SORCS1: variants seen among roughly 807,000 people sequenced by gnomAD.
The protein encoded by SORCS1 is VPS10 domain-containing receptor SorCS1.
In SORCS1, 60 loss-of-function variants were observed where a neutral mutation model predicts 146.1. The ratio of observed to expected loss-of-function variants is 0.41; its 90% CI spans 0.33 to 0.51. The LOEUF (loss-of-function observed/expected upper bound fraction) is 0.51. Ranked by LOEUF, SORCS1 falls within the 20% of genes least tolerant of loss-of-function variation. The pLI is 0.21. For synonymous variants in SORCS1, 637 were observed against 584.0 expected, an observed-to-expected ratio of 1.09 and a Z score of -1.31; for missense variants, 1,352 against 1,487.6, an observed-to-expected ratio of 0.91 and a Z score of 1.50.
intron 3 of SORCS1, among the ~76,000 whole-genome samples, chr10:106,816,766 T>A (rs1947761343): frequency 6.6e-6 from 1 of 152,118 alleles, no homozygotes. Context: ...ATAATAATAA[T>A]AAAACGAAGA....
intron 11 of SORCS1, 58 bp downstream of exon 11, chr10:106,679,574 C>A (rs1852286929): frequency 1.4e-6 from 2 of 1,396,950 alleles, no homozygotes; most frequent in South Asian, 1.2e-5. Context: ...GTACAGATAT[C>A]TAGCTTCTTA....
intron 5 of SORCS1, among the ~76,000 whole-genome samples, chr10:106,750,808 C>T (rs28701487): frequency 0.2 from 28,621 of 141,230 alleles, 3,455 homozygotes; most frequent in East Asian, 0.47. Flanking sequence ...GCCTGTAATC[C>T]CAGCACTTTG....
In SORCS1 at chr10:106,879,147, C is replaced by CAAA. The variant is rs34140161; in HGVS notation, c.627-49477_627-49475dup. 4.8e-3 allele frequency among the ~76,000 whole-genome samples: 653 copies of CAAA among 135,966 alleles called. 5 individuals are homozygous for CAAA. Among genetic ancestry groups the CAAA allele is most frequent in the African/African-American group, 8.9e-3 (328 of 36,766 alleles). The allele number at this position is 135,966 out of a possible 152,430, so 89.2% of individuals were successfully genotyped here. Reference sequence around the variant, plus strand: ...CCTGGGCGACAGAGTGAGACTCCATCAAAAAAAAAAAAAAAATTCATTGAT... The same window carrying CAAA: ...CCTGGGCGACAGAGTGAGACTCCATCAAAAAAAAAAAAAAAAAAATTCATTGAT... On this transcript the variant is annotated intron_variant, in intron 2 of 25. Transcript: ENST00000263054.
intron 1 of SORCS1, among the ~76,000 whole-genome samples, chr10:106,975,138 C>T (rs1955939773): frequency 6.6e-6 from 1 of 152,160 alleles, no homozygotes; most frequent in Non-Finnish European, 1.5e-5. Flanking sequence ...TATCTAATTT[C>T]CATCTGATTT....
intron 1 of SORCS1, among the ~76,000 whole-genome samples, chr10:107,152,074 C>T (rs941112515): frequency 3.9e-5 from 6 of 152,192 alleles, no homozygotes; most frequent in African/African-American, 1.2e-4. Flanking sequence ...ATCCCAGCTG[C>T]TTCAGCTCCA....
chr10:107,103,327 G>A (rs939472109), intron 1 of SORCS1, among the ~76,000 whole-genome samples: 1 of 152,138 alleles, frequency 6.6e-6, no homozygotes, highest in African/African-American at 2.4e-5. Flanking sequence ...GGCCTGGCCT[G>A]GCTTTTGTCA....
intron 17 of SORCS1, among the ~76,000 whole-genome samples, chr10:106,666,626 G>A (rs183055887): frequency 5.9e-4 from 88 of 149,606 alleles, no homozygotes; most frequent in African/African-American, 2.1e-3. Flanking sequence ...GTGCAATCCC[G>A]GCTCACTGCA....
At chr10:106,609,299 T>C (rs1400006920) in intron 22 of SORCS1, among the ~76,000 whole-genome samples, 1 of 152,230 alleles carries the variant, frequency 6.6e-6, no homozygotes, top group African/African-American at 2.4e-5. Flanking sequence ...ATAATCTTCA[T>C]TGTACACAAA....
intron 1 of SORCS1, among the ~76,000 whole-genome samples, chr10:107,020,583 T>G (rs985907721): frequency 6.6e-6 from 1 of 152,228 alleles, no homozygotes; most frequent in African/African-American, 2.4e-5. Flanking sequence ...AAAGGTGCTT[T>G]CAGGGAATTC....
At chr10:106,736,054 C>G (rs2136060868) in intron 5 of SORCS1, among the ~76,000 whole-genome samples, 1 of 152,276 alleles carries the variant, frequency 6.6e-6, no homozygotes, top group South Asian at 2.1e-4. Flanking sequence ...AAAAACAAAT[C>G]ACACTCTGAA....
chr10:106,675,039 T>C lies in SORCS1; in HGVS notation c.1940+10A>G, dbSNP rs1184434231. 6.2e-7 allele frequency: 1 copy of C among 1,605,534 alleles called. No homozygotes were observed. Among genetic ancestry groups the C allele is most frequent in the Non-Finnish European group, 8.5e-7 (1 of 1,172,828 alleles). On this transcript the variant is annotated intron_variant, in intron 14 of 25. Coordinates refer to ENST00000263054, the MANE Select transcript of SORCS1 (RefSeq NM_052918.5). ...ATGAAGGCTGGACCACATCATACTTTTCAACTTACGTCATGATGAGAGTCT... is the reference window on the plus strand; with the variant it reads ...ATGAAGGCTGGACCACATCATACTTCTCAACTTACGTCATGATGAGAGTCT...
intron 2 of SORCS1, among the ~76,000 whole-genome samples, chr10:106,930,069 G>A (rs1953323470): frequency 6.6e-6 from 1 of 152,094 alleles, no homozygotes; most frequent in Non-Finnish European, 1.5e-5. Context: ...ACACGGTGAT[G>A]AGACATATTA....
chr10:106,849,329 ATTCAT>A (rs1949445637), intron 2 of SORCS1, among the ~76,000 whole-genome samples: 1 of 149,766 alleles, frequency 6.7e-6, no homozygotes, highest in Non-Finnish European at 1.5e-5. Flanking sequence ...GCTTCACTTC[ATTCAT>A]TTCATCTTCC....
At chr10:106,849,995 C>A (rs907971127) in intron 2 of SORCS1, among the ~76,000 whole-genome samples, 1 of 149,746 alleles carries the variant, frequency 6.7e-6, no homozygotes. Flanking sequence ...TCAAAGCTGT[C>A]AGACAGAGAC....
At chr10:107,006,588 C>T (rs934170091) in intron 1 of SORCS1, among the ~76,000 whole-genome samples, 4 of 152,262 alleles carry the variant, frequency 2.6e-5, no homozygotes, top group Admixed American at 6.5e-5. Context: ...GAGGCCGAGG[C>T]GGGCAGATCA....
chr10:106,618,160 A>G lies in SORCS1; in HGVS notation c.2909T>C (p.Ile970Thr). 2 of 1,614,074 alleles carry G rather than the reference A, an allele frequency of 1.2e-6. No individual in the cohort carries two copies. The highest frequency in any genetic ancestry group is 8.5e-7 in the Non-Finnish European group (1 of 1,179,958). ...AGATGGGCACTCACCATATACTGCGATGGTCTTTGTGTCTTGTAGGATGGC... is the reference window on the plus strand; with the variant it reads ...AGATGGGCACTCACCATATACTGCGGTGGTCTTTGTGTCTTGTAGGATGGC... ...GNAILQDTKT[I>T]AVYEEFRSLR... is the part of the protein sequence containing the mutation. Residue 970 changes from isoleucine (I) to threonine (T), a missense_variant, in exon 21 of 26, where the codon ATC becomes ACC. Physicochemically the swap from Ile to Thr is moderately conservative, Grantham distance 89. Transcript: ENST00000263054.
chr10:106,797,643 C>T (rs821995), intron 3 of SORCS1, among the ~76,000 whole-genome samples: 30,745 of 151,958 alleles, frequency 0.2, 3,604 homozygotes, highest in Non-Finnish European at 0.27. Flanking sequence ...TCTCCAAGCA[C>T]GCTTGGGGTA....
chr10:106,781,613 T>G (rs181964646), intron 3 of SORCS1, among the ~76,000 whole-genome samples: 2 of 152,346 alleles, frequency 1.3e-5, no homozygotes, highest in East Asian at 3.9e-4. Flanking sequence ...AGAATAAAAG[T>G]CTATTTGCAA....
chr10:106,582,026 C>A (rs1776493587), intron 24 of SORCS1, among the ~76,000 whole-genome samples: 1 of 152,060 alleles, frequency 6.6e-6, no homozygotes, highest in African/African-American at 2.4e-5. Flanking sequence ...ACTGAGCTTG[C>A]TTGAAAAGGT....
Sources: gnomAD v4.1 joint callset for allele counts (sites outside exome capture counted in the v4.1 genomes callset) on GRCh38, gnomAD v4.1.1 for gene constraint, MANE v1.5 for transcripts, NCBI Gene and HGNC (gene_info 2026-07-23, HGNC 2026-07-21) for gene names.